The following FN3K variants were observed in gnomAD, a reference collection of about 807,000 sequenced individuals.
The protein encoded by FN3K is fructosamine-3-kinase.
A neutral mutation model predicts 24.8 loss-of-function variants in FN3K; 24 were observed. The observed-to-expected ratio is 0.97, with a 90% CI of 0.70 to 1.36. The LOEUF is 1.36. Ranked by LOEUF, FN3K falls within the 40% of genes most tolerant of loss-of-function variation. The probability of loss-of-function intolerance (pLI) is 0.00; values close to 1 mark genes in which losing one functional copy is unlikely to be tolerated. For synonymous variants in FN3K, 192 were observed against 175.2 expected (o/e 1.10, Z -0.76); for missense variants, 449 against 416.7 (o/e 1.08, Z -0.67).
In FN3K at chr17:82,750,526, A is replaced by G. The variant is rs1212234529; in HGVS notation, c.701A>G (p.Asp234Gly). The G allele has an allele frequency of 6.2e-7, 1 of 1,613,764 alleles. No individual in the cohort carries two copies. Among genetic ancestry groups the G allele is most frequent in the Non-Finnish European group, 8.5e-7 (1 of 1,179,958 alleles). Reference sequence around the variant, plus strand: ...GACGACGTGGGGCCCATTATTTACGACCCGGCTTCCTTCTATGGCCATTCC... The same window carrying G: ...GACGACGTGGGGCCCATTATTTACGGCCCGGCTTCCTTCTATGGCCATTCC... Reference protein sequence around the residue: ...AEDDVGPIIYDPASFYGHSEF... With the variant: ...AEDDVGPIIYGPASFYGHSEF... Residue 234 changes from aspartate (D) to glycine (G), a missense_variant, in exon 6 of 6, where the codon GAC becomes GGC. Physicochemically the swap from Asp to Gly is moderately conservative, Grantham distance 94 (BLOSUM62 -1). Transcript: ENST00000300784.
intron 1 of FN3K, 82 bp from the exon 2 acceptor site, chr17:82,738,407 C>T (rs750850638): frequency 4.6e-5 from 73 of 1,577,018 alleles, no homozygotes; most frequent in African/African-American, 8.1e-5. Flanking sequence ...GTGACTCCCA[C>T]GTGGTAGCTT....
intron 2 of FN3K, 100 bp downstream of exon 2, chr17:82,738,740 A>G (rs2046921571): frequency 1.4e-6 from 2 of 1,470,702 alleles, no homozygotes; most frequent in Admixed American, 3.6e-5. Flanking sequence ...ATGGGGAGGG[A>G]GACAGAAACA....
At chr17:82,749,042 GGGT>G (rs746066881) in intron 5 of FN3K, 65 bp downstream of exon 5, 1 of 1,609,528 alleles carries the variant, frequency 6.2e-7, no homozygotes, top group African/African-American at 1.3e-5. Flanking sequence ...GCATTTGTGC[GGGT>G]TCATCTGTAA....
rs1454442716 is a variant in FN3K at position 82,738,489 on chromosome 17, G to T, written c.142G>T (p.Ala48Ser). The T allele has an allele frequency of 1.2e-5, 20 of 1,612,038 alleles. No individual in the cohort carries two copies. The highest frequency in any genetic ancestry group is 1.7e-5 in the Non-Finnish European group (20 of 1,179,794). Residue 48 changes from alanine to serine, a missense_variant and splice_region_variant, in exon 2 of 6, where the codon GCC becomes TCC. Transcript: ENST00000300784. ...TGACAAGGCTGTGTTCTGGATGCAG[G>T]CCCGGCAGATGTTTGAGGGGGAGGT... Reference protein sequence around the residue: ...VFVKVNRRTQARQMFEGEVAS... With the variant: ...VFVKVNRRTQSRQMFEGEVAS...
intron 4 of FN3K, 179 bp downstream of exon 4, chr17:82,741,572 C>T (rs2046941518): frequency 8.2e-6 from 5 of 613,262 alleles, no homozygotes; most frequent in Admixed American, 2.3e-5. Flanking sequence ...CTGAGCTGAG[C>T]TGGGCAGGGT....
At chr17:82,748,587 T>C (rs908501680) in intron 4 of FN3K, among the ~76,000 whole-genome samples, 1 of 152,186 alleles carries the variant, frequency 6.6e-6, no homozygotes, top group African/African-American at 2.4e-5. Context: ...CAATCTGTCA[T>C]TTACCAAGAG....
At chr17:82,747,935 G>A (rs946817026) in intron 4 of FN3K, among the ~76,000 whole-genome samples, 13 of 152,094 alleles carry the variant, frequency 8.5e-5, no homozygotes, top group Non-Finnish European at 1.8e-4. Flanking sequence ...TAGGAACGGG[G>A]GTGGGCACCA....
At chr17:82,738,085 A>G (rs368342101) in intron 1 of FN3K, 11 of 194,446 alleles carry the variant, frequency 5.7e-5, no homozygotes, top group Non-Finnish European at 8.6e-5. Context: ...TGTGTGCCCA[A>G]GTTAGCTCCA....
rs868511253 is a variant in FN3K, at chr17:82,735,631, C to T, written c.-6C>T. 14 of 1,523,028 alleles carry T rather than the reference C, an allele frequency of 9.2e-6. No individual in the cohort carries two copies. The African/African-American group carries it at 2.0e-4, about 22-fold the overall frequency. The allele number at this position is 1,523,028 out of a possible 1,614,324, so 94.3% of individuals were successfully genotyped here. ...CGAGCGAGCAGAGTCCCGCGCCCCG[C>T]ACTCCATGGAGCAGCTGCTGCGCGC... On this transcript the variant is annotated 5_prime_UTR_variant, in exon 1 of 6. Transcript: ENST00000300784.
intron 4 of FN3K, chr17:82,742,655 C>T (rs2046947138): frequency 2.2e-6 from 1 of 455,402 alleles, no homozygotes; most frequent in African/African-American, 2.0e-5. Flanking sequence ...CTTGAACCAT[C>T]ATCTTTGAAA....
In FN3K at chr17:82,735,748, G is replaced by C. The variant is rs761445442; in HGVS notation, c.112G>C (p.Val38Leu). 1 of 1,563,728 alleles carries C rather than the reference G, an allele frequency of 6.4e-7. No homozygotes were observed. The highest frequency in any genetic ancestry group is 8.6e-7 in the Non-Finnish European group (1 of 1,156,120). ...AGCCTACGACACGGACGCAGGCCCA[G>C]TGTTCGTCAAAGTCAACCGCAGGAC... ...GRAYDTDAGPVFVKVNRRTQA... is the reference protein window; with the variant it reads ...GRAYDTDAGPLFVKVNRRTQA... The change falls in exon 1 of 6, where the codon GTG becomes CTG. Residue 38 changes from valine (V) to leucine (L), a missense_variant. By Grantham distance (32) the Val-to-Leu change is conservative. Transcript: ENST00000300784.
intron 4 of FN3K, among the ~76,000 whole-genome samples, chr17:82,742,452 A>T (rs1247260301): frequency 6.6e-6 from 1 of 152,092 alleles, no homozygotes; most frequent in Non-Finnish European, 1.5e-5. Context: ...AATTTTCTGG[A>T]TATGTCATAT....
At chr17:82,749,183 G>A in intron 5 of FN3K, 1 of 718,692 alleles carries the variant, frequency 1.4e-6, no homozygotes, top group South Asian at 1.6e-5. Flanking sequence ...GGCTCCTCGT[G>A]CCCCTCTCCA....
At chr17:82,740,593 GA>G (rs1395061637) in intron 2 of FN3K, among the ~76,000 whole-genome samples, 169 bp from the exon 3 acceptor site, 5 of 152,000 alleles carry the variant, frequency 3.3e-5, no homozygotes, top group African/African-American at 1.2e-4. Context: ...CCTGGCCCCA[GA>G]AAAGAAAGAA....
intron 2 of FN3K, 120 bp downstream of exon 2, chr17:82,738,760 C>A: frequency 1.5e-6 from 2 of 1,321,286 alleles, no homozygotes; most frequent in Non-Finnish European, 2.1e-6. Context: ...AGGGAGAAGC[C>A]TGTGGCTGAG....
At chr17:82,735,932 G>GCGTT in intron 1 of FN3K, 155 bp downstream of exon 1, 1 of 977,094 alleles carries the variant, frequency 1.0e-6, no homozygotes, top group Non-Finnish European at 1.5e-6. Flanking sequence ...CCCGGCTCAA[G>GCGTT]CGTTCTGTGA....
rs764480267 is a variant in FN3K at position 82,750,637 on chromosome 17, C to T, written c.812C>T (p.Pro271Leu). The T allele has an allele frequency of 2.0e-5, 33 of 1,613,940 alleles. No homozygotes were observed. Among genetic ancestry groups the T allele is most frequent in the African/African-American group, 4.0e-5 (3 of 74,912 alleles). ...TACCACCGGAAGATCCCCAAGGCTC[C>T]GGGCTTCGACCAGCGGCTGCTGCTC... ...TAYHRKIPKA[P>L]GFDQRLLLYQ... Residue 271 changes from proline (P) to leucine (L), a missense_variant, in exon 6 of 6, where the codon CCG (proline) becomes CTG (leucine). Physicochemically the swap from Pro to Leu is moderately conservative, Grantham distance 98 (BLOSUM62 -3). Coordinates refer to ENST00000300784, the MANE Select transcript of FN3K (RefSeq NM_022158.4).
Position 82,750,941 on chromosome 17 carries a change from TC to T in FN3K, c.*191del, listed in dbSNP as rs1261502448. The T allele has an allele frequency of 1.5e-5, 4 of 268,386 alleles. No individual in the cohort carries two copies. Among genetic ancestry groups the T allele is most frequent in the Admixed American group, 7.0e-5 (1 of 14,208 alleles). 16.6% of individuals were successfully genotyped at this position (268,386 alleles called of 1,614,324 possible). ...CCCCGTCCCCGTCCCTCCATCCCTGTCCCCCGTCCCCCTGTCCCCCTGTCCA... is the reference window on the plus strand; with the variant it reads ...CCCCGTCCCCGTCCCTCCATCCCTGTCCCCGTCCCCCTGTCCCCCTGTCCA... On this transcript the variant is annotated 3_prime_UTR_variant, in exon 6 of 6. Coordinates refer to ENST00000300784, the MANE Select transcript of FN3K (RefSeq NM_022158.4).
In FN3K at chr17:82,740,850, A is replaced by AGTG; in HGVS notation, c.383_385dup (p.Val128dup). On this transcript the variant is annotated inframe_insertion, in exon 3 of 6. Coordinates refer to ENST00000300784, the MANE Select transcript of FN3K (RefSeq NM_022158.4). ...AGAAGTTGAAGGAGGAGGAGAACACAGTGGGTATGTTCAGATTGCTTTTGG... is the reference window on the plus strand; with the variant it reads ...AGAAGTTGAAGGAGGAGGAGAACACAGTGGTGGGTATGTTCAGATTGCTTTTGG... The AGTG allele has an allele frequency of 6.2e-7, 1 of 1,611,602 alleles. No homozygotes were observed. Among genetic ancestry groups the AGTG allele is most frequent in the Non-Finnish European group, 8.5e-7 (1 of 1,177,900 alleles).
Sources: allele counts gnomAD v4.1 joint callset (sites outside exome capture counted in the v4.1 genomes callset), GRCh38; gene constraint gnomAD v4.1.1; transcripts MANE v1.5; gene names NCBI Gene and HGNC (gene_info 2026-07-23, HGNC 2026-07-21).